DNHD1: variants seen among roughly 807,000 people sequenced by gnomAD.
DNHD1 encodes dynein heavy chain domain-containing protein 1.
DNHD1 carries 383 observed loss-of-function variants against 458.1 expected under a neutral mutation model. The observed-to-expected ratio is 0.84, with a 90% CI of 0.77 to 0.91. The LOEUF is 0.91. Among genes scored for constraint, DNHD1 ranks in the 40% least tolerant of loss-of-function variants. The pLI is 0.00. For synonymous variants in DNHD1, 2,203 were observed against 2,376.9 expected, an observed-to-expected ratio of 0.93 and a Z score of 2.13; for missense variants, 5,336 against 5,866.1, an observed-to-expected ratio of 0.91 and a Z score of 2.95.
chr11:6,527,855 AG>A (rs1190549536), intron 10 of DNHD1, among the ~76,000 whole-genome samples: 1 of 152,234 alleles, frequency 6.6e-6, no homozygotes. Flanking sequence ...TCAATTAACC[AG>A]TTCCTAAAGA....
chr11:6,547,334 C>T lies in DNHD1; in HGVS notation c.6395C>T (p.Thr2132Ile), dbSNP rs201009127. 641 of 1,551,708 alleles carry T rather than the reference C, an allele frequency of 4.1e-4. 1 individual carries two copies. Among genetic ancestry groups the T allele is most frequent in the Non-Finnish European group, 5.2e-4 (596 of 1,147,024 alleles). Residue 2132 changes from threonine (T) to isoleucine (I), a missense_variant, in exon 21 of 43, where the codon ACA (threonine) becomes ATA (isoleucine). Physicochemically the swap from Thr to Ile is moderately conservative, Grantham distance 89. Around this residue, in one of 4 missense-constraint regions of DNHD1, gnomAD observed 3,932 missense variants for 4,365.6 expected, o/e 0.90. Transcript: ENST00000254579. ...TFLLMEVADT[T>I]GISPTVVGCC... is the part of the protein sequence containing the mutation. ...CTCTTGATGGAGGTGGCTGACACAA[C>T]AGGCATATCCCCCACAGTGGTAGGC...
Position 6,548,498 on chromosome 11 carries a change from C to G in DNHD1, c.7098+96C>G. On this transcript the variant is annotated intron_variant, in intron 23 of 42. Transcript: ENST00000254579. This position sits in a 1 kb window ranked among gnomAD's most constrained non-coding sequence, Gnocchi z 4.4. ...AGATCAGCTGAGGCCCACTTGCTCC[C>G]TTTCTTTGATATATTTTCACAATCA... 6.8e-7 allele frequency: 1 copy of G among 1,460,002 alleles called. No homozygotes were observed. Among genetic ancestry groups the G allele is most frequent in the Non-Finnish European group, 9.3e-7 (1 of 1,080,556 alleles). 90.4% of individuals were successfully genotyped at this position (1,460,002 alleles called of 1,614,324 possible). A position where few individuals can be genotyped will look rare whatever the true frequency, so the allele number is the denominator to read the frequency against.
chr11:6,533,723 A>C lies in DNHD1; in HGVS notation c.2548A>C (p.Met850Leu), dbSNP rs1037939561. The change falls in exon 14 of 43, where the codon ATG (methionine) becomes CTG (leucine). Residue 850 changes from methionine to leucine, a missense_variant. Met to Leu is a conservative substitution (Grantham distance 15). Coordinates refer to ENST00000254579, the MANE Select transcript of DNHD1 (RefSeq NM_144666.3). ...NEQYVELEER[M>L]EYVRALHELI... ...ACAGTACGTCGAGCTGGAGGAGCGA[A>C]TGGAATACGTACGGGCACTCCACGA... 2 of 1,551,362 alleles carry C rather than the reference A, an allele frequency of 1.3e-6. No homozygotes were observed. Among genetic ancestry groups the C allele is most frequent in the Non-Finnish European group, 1.7e-6 (2 of 1,146,834 alleles).
chr11:6,561,428 C>CAAAAAAGAA lies in DNHD1; in HGVS notation c.9520-1539_9520-1531dup, dbSNP rs1019200611. ...GGGTGACATAGTGAGACCTTGTCTC[C>CAAAAAAGAA]AAAAAAGAAAAAAAAGAAAAAAATA... On this transcript the variant is annotated intron_variant, in intron 28 of 42. Coordinates refer to ENST00000254579, the MANE Select transcript of DNHD1 (RefSeq NM_144666.3). Among the ~76,000 whole-genome samples, 4 of 149,616 alleles carry CAAAAAAGAA rather than the reference C, an allele frequency of 2.7e-5. No individual in the cohort carries two copies. In the East Asian group the frequency reaches 7.8e-4, roughly 29 times the overall value.
chr11:6,538,271 C>G lies in DNHD1; in HGVS notation c.2999-112C>G, dbSNP rs536777942. On this transcript the variant is annotated intron_variant, in intron 14 of 42. Transcript: ENST00000254579. ...GAACTCCACCTCCCCCACCCCCAAC[C>G]ATCACTTTCTGGACCCTACCTTCTG... The G allele has an allele frequency of 3.8e-4, 340 of 900,666 alleles. 4 individuals carry two copies. Among genetic ancestry groups the G allele is most frequent in the South Asian group, 3.4e-3 (205 of 60,796 alleles). 55.8% of individuals were successfully genotyped at this position (900,666 alleles called of 1,614,324 possible).
intron 14 of DNHD1, among the ~76,000 whole-genome samples, chr11:6,537,342 G>C (rs1425000207): frequency 6.6e-6 from 1 of 152,112 alleles, no homozygotes; most frequent in Non-Finnish European, 1.5e-5. Context: ...TGGGCTGACA[G>C]TTCATTCGCT....
intron 7 of DNHD1, among the ~76,000 whole-genome samples, chr11:6,516,265 CTTTTG>C (rs1852462805): frequency 6.8e-6 from 1 of 146,862 alleles, no homozygotes; most frequent in African/African-American, 2.5e-5. Flanking sequence ...TTTTCACTCT[CTTTTG>C]TTTTGTCATA....
In DNHD1 at chr11:6,528,535, G is replaced by C; in HGVS notation, c.1851G>C (p.Glu617Asp). 1.9e-6 allele frequency: 3 copies of C among 1,550,056 alleles called. No homozygotes were observed. Among genetic ancestry groups the C allele is most frequent in the Non-Finnish European group, 2.6e-6 (3 of 1,145,654 alleles). The change falls in exon 11 of 43, where the codon GAG becomes GAC. Residue 617 changes from glutamate (E) to aspartate (D), a missense_variant. Physicochemically the swap from Glu to Asp is conservative, Grantham distance 45. Around this residue, in one of 4 missense-constraint regions of DNHD1, gnomAD observed 3,932 missense variants for 4,365.6 expected, o/e 0.90. Coordinates refer to ENST00000254579, the MANE Select transcript of DNHD1 (RefSeq NM_144666.3). ...DSLYSEEEDEEEDSKDEFLMP... is the reference protein window; with the variant it reads ...DSLYSEEEDEDEDSKDEFLMP... ...GTGCTCCACTAGAAGAAGATGAAGA[G>C]GAGGACTCAAAAGACGAATTTCTGA...
rs1191403877 is a variant in DNHD1 at position 6,498,736 on chromosome 11, G to C, written c.521G>C (p.Arg174Thr). The change falls in exon 3 of 43, where the codon AGG (arginine) becomes ACG (threonine). Residue 174 changes from arginine to threonine, a missense_variant. Physicochemically the swap from Arg to Thr is moderately conservative, Grantham distance 71 (BLOSUM62 -1). Transcript: ENST00000254579. ...CCTTTTGTGCAGGCCCAGTGGAGCA[G>C]GCAGCAAGTAAAGGAGGAGCTGGCC... ...ACPFVQAQWS[R>T]QQVKEELATW... is the part of the protein sequence containing the mutation. 1 of 1,614,192 alleles carries C rather than the reference G, an allele frequency of 6.2e-7. No individual in the cohort carries two copies.
intron 24 of DNHD1, among the ~76,000 whole-genome samples, chr11:6,552,324 G>C (rs1033923528): frequency 1.3e-5 from 2 of 152,066 alleles, no homozygotes; most frequent in African/African-American, 4.8e-5. Context: ...AGGAGTTTGA[G>C]ACCAGCCTGG....
In DNHD1 at chr11:6,549,000, A is replaced by G. The variant is rs538902756; in HGVS notation, c.7387+67A>G. ...TCTTGAGACTATAAAATCCCTAGCA[A>G]TATTCATTGACTCTCAAATATATGT... On this transcript the variant is annotated intron_variant, in intron 24 of 42. Coordinates refer to ENST00000254579, the MANE Select transcript of DNHD1 (RefSeq NM_144666.3). This position sits in a 1 kb window ranked among gnomAD's most constrained non-coding sequence, Gnocchi z 4.4. 4.4e-5 allele frequency: 65 copies of G among 1,472,748 alleles called. No homozygotes were observed. The African/African-American group carries it at 8.8e-4, about 20-fold the overall frequency. The allele number at this position is 1,472,748 out of a possible 1,614,324, so 91.2% of individuals were successfully genotyped here. A position where few individuals can be genotyped will look rare whatever the true frequency, so the allele number is the denominator to read the frequency against.
chr11:6,539,315 T>TGG lies in DNHD1; in HGVS notation c.3420+5_3420+6dup, dbSNP rs1326719318. ...GAGTTTGCAGATCGAATCAACCAGG[T>TGG]GGGGCCCTCAGTACAGGGGCGAGGG... On this transcript the variant is annotated splice_region_variant and intron_variant, in intron 17 of 42. Coordinates refer to ENST00000254579, the MANE Select transcript of DNHD1 (RefSeq NM_144666.3). 3.2e-6 allele frequency: 5 copies of TGG among 1,550,236 alleles called. No homozygotes were observed. In the South Asian group the frequency reaches 3.6e-5, roughly 11 times the overall value.
chr11:6,512,372 C>T (rs867409215), intron 7 of DNHD1, among the ~76,000 whole-genome samples: 3 of 148,102 alleles, frequency 2.0e-5, no homozygotes, highest in Non-Finnish European at 4.4e-5. Flanking sequence ...AGGCACCCAC[C>T]ACCATGCCCG....
At chr11:6,538,859 TAG>T in intron 16 of DNHD1, 49 bp downstream of exon 16, 1 of 1,433,000 alleles carries the variant, frequency 7.0e-7, no homozygotes, top group Non-Finnish European at 9.3e-7. Flanking sequence ...TATGTGAGGT[TAG>T]AGCGATGCAG....
intron 29 of DNHD1, 53 bp downstream of exon 29, chr11:6,563,184 A>T (rs557425721): frequency 1.3e-6 from 2 of 1,549,464 alleles, no homozygotes; most frequent in East Asian, 4.9e-5. Flanking sequence ...AAAGAGGGCA[A>T]CCCCTCTAAG....
chr11:6,560,194 G>A (rs1333415957), intron 28 of DNHD1, among the ~76,000 whole-genome samples: 1 of 152,146 alleles, frequency 6.6e-6, no homozygotes, highest in Non-Finnish European at 1.5e-5. Context: ...TCAGAGCAGT[G>A]AACTAGTGCC....
intron 18 of DNHD1, among the ~76,000 whole-genome samples, chr11:6,543,270 G>A (rs1853136497): frequency 6.6e-6 from 1 of 152,102 alleles, no homozygotes; most frequent in South Asian, 2.1e-4. Context: ...CCCAATTAGT[G>A]TCCCTACCTC....
rs201091136 is a variant in DNHD1 at position 6,511,402 on chromosome 11, A to G, written c.1365A>G (p.Leu455=). 1.9e-6 allele frequency: 3 copies of G among 1,614,078 alleles called. No individual in the cohort carries two copies. Among genetic ancestry groups the G allele is most frequent in the Non-Finnish European group, 2.5e-6 (3 of 1,180,038 alleles). Residue 455 remains leucine, a synonymous_variant, in exon 7 of 43, where the codon CTA becomes CTG. Transcript: ENST00000254579. ...CTCTACGGCTGCTCCATCGTTGCCT[A>G]AACCTCTGCACATCCATTCTTCGAC... ...HKALRLLHRC[L]NLCTSILRLV...
At chr11:6,551,530 C>A (rs1853343766) in intron 24 of DNHD1, among the ~76,000 whole-genome samples, 1 of 152,120 alleles carries the variant, frequency 6.6e-6, no homozygotes, top group Non-Finnish European at 1.5e-5. Context: ...TATTTTGTTT[C>A]TTTGAAAAAG....
Sources: gnomAD v4.1 joint callset for allele counts (sites outside exome capture counted in the v4.1 genomes callset) on GRCh38, gnomAD v4.1.1 for gene constraint, gnomAD v4.1.1 regional missense constraint, Gnocchi (gnomAD v3.1) non-coding constraint, MANE v1.5 for transcripts, NCBI Gene and HGNC (gene_info 2026-07-23, HGNC 2026-07-21) for gene names.